The following NDST4 variants were observed in gnomAD, a reference collection of about 807,000 sequenced individuals.
NDST4 encodes N-deacetylase and N-sulfotransferase 4, also known as N-heparan sulfate sulfotransferase 4.
Under a neutral mutation model 100.8 loss-of-function variants are expected in NDST4, and 63 were observed. The observed-to-expected ratio is 0.62, with a 90% CI of 0.51 to 0.77. The LOEUF (loss-of-function observed/expected upper bound fraction) is 0.77, where lower values mean the gene tolerates loss of function less well. Ranked by LOEUF, NDST4 falls within the 30% of genes least tolerant of loss-of-function variation. NDST4 has a pLI of 0.00. For synonymous variants in NDST4, 377 were observed against 361.8 expected, an observed-to-expected ratio of 1.04 and a Z score of -0.48; for missense variants, 943 against 1,018.4, an observed-to-expected ratio of 0.93 and a Z score of 1.01.
chr4:114,910,804 G>A (rs1356776074), intron 6 of NDST4, among the ~76,000 whole-genome samples: 2 of 152,136 alleles, frequency 1.3e-5, no homozygotes, highest in Non-Finnish European at 2.9e-5. Flanking sequence ...TAGTAAACAT[G>A]CTTTCACTCA....
At chr4:114,940,916 TG>T (rs1174581033) in intron 4 of NDST4, among the ~76,000 whole-genome samples, 1 of 152,178 alleles carries the variant, frequency 6.6e-6, no homozygotes, top group East Asian at 1.9e-4. Flanking sequence ...TCTCCTGCTC[TG>T]CTGCCCCTCT....
chr4:114,889,111 T>C (rs75121635), intron 6 of NDST4, among the ~76,000 whole-genome samples: 3,463 of 152,274 alleles, frequency 0.023, 141 homozygotes, highest in African/African-American at 0.079. Flanking sequence ...TATACACATA[T>C]GTATTTCCAA....
At chr4:114,887,483 G>T (rs1196981307) in intron 6 of NDST4, among the ~76,000 whole-genome samples, 1 of 152,168 alleles carries the variant, frequency 6.6e-6, no homozygotes, top group East Asian at 1.9e-4. Flanking sequence ...AAGTTTCAGT[G>T]CTGAGTTTTT....
intron 4 of NDST4, among the ~76,000 whole-genome samples, chr4:114,942,598 T>C (rs1338518059): frequency 1.3e-5 from 2 of 152,090 alleles, no homozygotes; most frequent in African/African-American, 4.8e-5. Context: ...TGCAATTCAA[T>C]ATAATAAATT....
intron 1 of NDST4, among the ~76,000 whole-genome samples, chr4:115,078,887 A>G (rs1230786959): frequency 2.0e-5 from 3 of 152,028 alleles, no homozygotes; most frequent in Non-Finnish European, 2.9e-5. Context: ...TGCTTCTAAC[A>G]ACCTATACTG....
chr4:115,015,026 C>T (rs1053612687), intron 2 of NDST4, among the ~76,000 whole-genome samples: 2 of 152,074 alleles, frequency 1.3e-5, no homozygotes, highest in Non-Finnish European at 2.9e-5. Context: ...TACATTTGAA[C>T]TGGGTATTAT....
chr4:114,939,075 C>T (rs1725694139), intron 4 of NDST4, among the ~76,000 whole-genome samples: 1 of 152,088 alleles, frequency 6.6e-6, no homozygotes, highest in African/African-American at 2.4e-5. Context: ...CAGTTGTTAC[C>T]CTGATATCAC....
chr4:115,108,380 T>C (rs1729875021), intron 1 of NDST4, among the ~76,000 whole-genome samples: 2 of 152,034 alleles, frequency 1.3e-5, no homozygotes, highest in Admixed American at 6.6e-5. Context: ...ACTGAATTTC[T>C]GATTCAGGAA....
intron 3 of NDST4, among the ~76,000 whole-genome samples, chr4:114,976,003 C>T (rs1726625955): frequency 6.6e-6 from 1 of 152,054 alleles, no homozygotes; most frequent in South Asian, 2.1e-4. Context: ...GATTTATCAA[C>T]TCGTATACAT....
At chr4:115,109,349 A>G (rs558108668) in intron 1 of NDST4, among the ~76,000 whole-genome samples, 12 of 152,092 alleles carry the variant, frequency 7.9e-5, no homozygotes, top group Admixed American at 2.0e-4. Flanking sequence ...AAATCACAAC[A>G]TAAGTTCAAT....
chr4:114,862,000 A>G (rs1339763026), intron 7 of NDST4, among the ~76,000 whole-genome samples: 1 of 152,160 alleles, frequency 6.6e-6, no homozygotes, highest in Non-Finnish European at 1.5e-5. Context: ...AAGTATAGTT[A>G]TAGTTAATAG....
Position 114,872,772 on chromosome 4 carries a change from T to C in NDST4, c.1537-1822A>G, listed in dbSNP as rs116802642. 9.6e-3 allele frequency among the ~76,000 whole-genome samples: 1,453 copies of C among 152,096 alleles called. 22 individuals are homozygous for C. The highest frequency in any genetic ancestry group is 0.033 in the African/African-American group (1,376 of 41,544). On this transcript the variant is annotated intron_variant, in intron 6 of 13. Coordinates refer to ENST00000264363, the MANE Select transcript of NDST4 (RefSeq NM_022569.3). ...TGAAAAAAAATGAAGCACAGAGCAG[T>C]TAAGTAACTTGTTCAAGTTCTACAT...
intron 6 of NDST4, among the ~76,000 whole-genome samples, chr4:114,876,891 G>C (rs932298879): frequency 6.6e-6 from 1 of 152,082 alleles, no homozygotes; most frequent in Non-Finnish European, 1.5e-5. Context: ...TGTGTTACTA[G>C]GAACTAAGAA....
rs555527733 is a variant in NDST4, at chr4:114,942,030, G to A, written c.1222-4527C>T. ...CACTGCTCAATACTTATCCAATAAAGCTGATTAACATAGTAAATATGTATT... is the reference window on the plus strand; with the variant it reads ...CACTGCTCAATACTTATCCAATAAAACTGATTAACATAGTAAATATGTATT... On this transcript the variant is annotated intron_variant, in intron 4 of 13. Coordinates refer to ENST00000264363, the MANE Select transcript of NDST4 (RefSeq NM_022569.3). Among the ~76,000 whole-genome samples, 3 of 152,266 alleles carry A rather than the reference G, an allele frequency of 2.0e-5. No individual in the cohort carries two copies. In the East Asian group the frequency reaches 5.8e-4, roughly 29 times the overall value.
At chr4:115,073,836 A>G (rs2126288673) in intron 2 of NDST4, among the ~76,000 whole-genome samples, 1 of 152,116 alleles carries the variant, frequency 6.6e-6, no homozygotes, top group East Asian at 1.9e-4. Flanking sequence ...GGGATAATTA[A>G]TTCCTATGTC....
chr4:114,950,492 C>T (rs1725966445), intron 4 of NDST4, among the ~76,000 whole-genome samples: 1 of 152,042 alleles, frequency 6.6e-6, no homozygotes, highest in African/African-American at 2.4e-5. Flanking sequence ...CAGCAACATA[C>T]TGCCTCTGTC....
In NDST4 at chr4:114,981,780, C is replaced by T. The variant is rs982598847; in HGVS notation, c.979-4506G>A. Reference sequence around the variant, plus strand: ...TTGTTACTCTCAGGCTAACCCTTTCCCTAAATGTACCTAATAAGTCATGTG... The same window carrying T: ...TTGTTACTCTCAGGCTAACCCTTTCTCTAAATGTACCTAATAAGTCATGTG... On this transcript the variant is annotated intron_variant, in intron 2 of 13. Transcript: ENST00000264363. Among the ~76,000 whole-genome samples, 4 of 152,116 alleles carry T rather than the reference C, an allele frequency of 2.6e-5. No individual in the cohort carries two copies. In the South Asian group the frequency reaches 6.2e-4, roughly 24 times the overall value.
chr4:115,041,636 T>C, intron 2 of NDST4, among the ~76,000 whole-genome samples: 1 of 152,126 alleles, frequency 6.6e-6, no homozygotes, highest in East Asian at 1.9e-4. Context: ...TTTTTTGAAG[T>C]TAATTTAATC....
chr4:114,988,781 T>TA lies in NDST4; in HGVS notation c.979-11508dup, dbSNP rs557856224. On this transcript the variant is annotated intron_variant, in intron 2 of 13. Coordinates refer to ENST00000264363, the MANE Select transcript of NDST4 (RefSeq NM_022569.3). The stretch of plus-strand genomic sequence containing the variant: ...ATTTATTTTTTAAGCTCAAATGTAG[T>TA]AGAATTTTCTCAGTGCACCGCCAGT... Among the ~76,000 whole-genome samples the TA allele has an allele frequency of 3.3e-5, 5 of 152,282 alleles. No homozygotes were observed. In the South Asian group the frequency reaches 1.0e-3, roughly 32 times the overall value.
Sources: gnomAD v4.1 joint callset for allele counts (sites outside exome capture counted in the v4.1 genomes callset) on GRCh38, gnomAD v4.1.1 for gene constraint, MANE v1.5 for transcripts, NCBI Gene and HGNC (gene_info 2026-07-23, HGNC 2026-07-21) for gene names.